The following DLGAP1 variants were observed in gnomAD, a reference collection of about 807,000 sequenced individuals.
The protein encoded by DLGAP1 is DLG associated protein 1.
A neutral mutation model predicts 90.8 loss-of-function variants in DLGAP1; 11 were observed. The ratio of observed to expected loss-of-function variants is 0.12; its 90% confidence interval spans 0.08 to 0.20. The LOEUF is 0.20. Ranked by LOEUF, DLGAP1 falls within the 10% of genes least tolerant of loss-of-function variation. DLGAP1 has a pLI of 1.00. For synonymous variants in DLGAP1, 558 were observed against 540.7 expected (o/e 1.03, Z -0.44); for missense variants, 1,050 against 1,333.8 (o/e 0.79, Z 3.31).
intron 3 of DLGAP1, among the ~76,000 whole-genome samples, chr18:3,965,611 A>G (rs928202667): frequency 2.0e-5 from 3 of 152,100 alleles, no homozygotes; most frequent in African/African-American, 7.2e-5. Flanking sequence ...CTCAACAAAC[A>G]TGCTTGTGTG....
intron 1 of DLGAP1, among the ~76,000 whole-genome samples, chr18:4,357,929 C>A (rs2081556721): frequency 6.6e-6 from 1 of 152,316 alleles, no homozygotes; most frequent in African/African-American, 2.4e-5. Context: ...GAAATTTGAG[C>A]CCCAGTGTAA....
chr18:3,734,559 T>C (rs1277410903), intron 6 of DLGAP1, among the ~76,000 whole-genome samples: 3 of 152,210 alleles, frequency 2.0e-5, no homozygotes, highest in Non-Finnish European at 4.4e-5. Context: ...ACAGAGTTCA[T>C]TTCTCAACAT....
At chr18:4,188,622 A>C (rs1420707080) in intron 1 of DLGAP1, among the ~76,000 whole-genome samples, 1 of 152,126 alleles carries the variant, frequency 6.6e-6, no homozygotes. Flanking sequence ...AGCTTCATCC[A>C]TGTCCCCGCA....
At chr18:3,906,930 G>A (rs538785504) in intron 3 of DLGAP1, among the ~76,000 whole-genome samples, 4 of 152,086 alleles carry the variant, frequency 2.6e-5, no homozygotes, top group Non-Finnish European at 4.4e-5. Context: ...ATGAATATAC[G>A]TTTGTATTTT....
At chr18:3,589,375 C>T (rs1451330763) in intron 7 of DLGAP1, among the ~76,000 whole-genome samples, 1 of 152,154 alleles carries the variant, frequency 6.6e-6, no homozygotes, top group African/African-American at 2.4e-5. Context: ...TGAGATCAAA[C>T]TCCCTTTTTG....
In DLGAP1 at chr18:4,054,831, T is replaced by C. The variant is rs545643686; in HGVS notation, c.-158-49630A>G. Among the ~76,000 whole-genome samples, 9 of 152,320 alleles carry C rather than the reference T, an allele frequency of 5.9e-5. No individual in the cohort carries two copies. In the East Asian group the frequency reaches 1.5e-3, roughly 26 times the overall value. ...TCACTGAAAATAACATTTTCTTCAGTGTATACTTGAGCACTGGCTTTAGAA... is the reference window on the plus strand; with the variant it reads ...TCACTGAAAATAACATTTTCTTCAGCGTATACTTGAGCACTGGCTTTAGAA... On this transcript the variant is annotated intron_variant, in intron 2 of 12. Transcript: ENST00000315677.
intron 1 of DLGAP1, among the ~76,000 whole-genome samples, chr18:4,269,914 T>A (rs2079237092): frequency 6.6e-6 from 1 of 152,180 alleles, no homozygotes; most frequent in African/African-American, 2.4e-5. Flanking sequence ...GTTTGTAAAG[T>A]CTTCTTTCTA....
chr18:3,592,667 C>T (rs1432344560), intron 7 of DLGAP1, among the ~76,000 whole-genome samples: 20 of 150,752 alleles, frequency 1.3e-4, no homozygotes, highest in South Asian at 6.3e-4. Context: ...AGTGAGACCT[C>T]GTCTCAAAAA....
chr18:4,153,279 G>C (rs916890956), intron 1 of DLGAP1, among the ~76,000 whole-genome samples: 7 of 152,160 alleles, frequency 4.6e-5, no homozygotes, highest in African/African-American at 1.7e-4. Context: ...GAATATTCAT[G>C]GGTAAGGCAG....
intron 1 of DLGAP1, among the ~76,000 whole-genome samples, chr18:4,434,637 G>A (rs1215910996): frequency 6.6e-6 from 1 of 152,142 alleles, no homozygotes; most frequent in African/African-American, 2.4e-5. Context: ...CCTGCAAGAG[G>A]CTGGTTCTTC....
chr18:3,684,109 C>T (rs867298613), intron 7 of DLGAP1, among the ~76,000 whole-genome samples: 36 of 151,884 alleles, frequency 2.4e-4, no homozygotes, highest in Admixed American at 1.9e-3. Flanking sequence ...AAAAAATGCA[C>T]TCTAGGAGAG....
At chr18:4,175,239 T>C (rs890964615) in intron 1 of DLGAP1, among the ~76,000 whole-genome samples, 1 of 152,226 alleles carries the variant, frequency 6.6e-6, no homozygotes, top group Non-Finnish European at 1.5e-5. Flanking sequence ...TGTCTGTTCA[T>C]ATCCTTTGCC....
intron 1 of DLGAP1, among the ~76,000 whole-genome samples, chr18:4,396,822 G>C (rs1435510310): frequency 6.6e-6 from 1 of 152,200 alleles, no homozygotes; most frequent in Non-Finnish European, 1.5e-5. Flanking sequence ...ACTGAATGAA[G>C]AGCCCTTGGC....
intron 7 of DLGAP1, chr18:3,607,150 G>A (rs1157357481): frequency 6.6e-6 from 1 of 152,164 alleles, no homozygotes; most frequent in African/African-American, 2.4e-5. Context: ...TGGAATTTTT[G>A]TATTACCATG....
intron 9 of DLGAP1, 62 bp from the exon 10 acceptor site, chr18:3,534,677 C>T (rs2052229638): frequency 7.3e-7 from 1 of 1,361,024 alleles, no homozygotes; most frequent in Admixed American, 2.7e-5. Context: ...TTCCTTCCTT[C>T]CTTCCTTCCT....
rs61037023 is a variant in DLGAP1, at chr18:4,203,265, T to TAA, written c.-266-51980_-266-51979dup. Among the ~76,000 whole-genome samples, 53 of 128,140 alleles carry TAA rather than the reference T, an allele frequency of 4.1e-4. 1 individual carries two copies. The highest frequency in any genetic ancestry group is 1.5e-3 in the African/African-American group (52 of 35,578). The allele number at this position is 128,140 out of a possible 152,430, so 84.1% of individuals were successfully genotyped here. Reference sequence around the variant, plus strand: ...ACTCCAGCCTGGGCAACAGAGAGATTAAAAAAAAAAAAAAAAAGATACTCT... The same window carrying TAA: ...ACTCCAGCCTGGGCAACAGAGAGATTAAAAAAAAAAAAAAAAAAAGATACTCT... On this transcript the variant is annotated intron_variant, in intron 1 of 12. Transcript: ENST00000315677.
intron 5 of DLGAP1, among the ~76,000 whole-genome samples, chr18:3,795,504 C>T (rs902122020): frequency 5.9e-5 from 9 of 151,934 alleles, no homozygotes; most frequent in Admixed American, 2.0e-4. Context: ...TTAGTAGAGA[C>T]GGGGTTTCAC....
chr18:4,199,868 C>A (rs1294129127), intron 1 of DLGAP1, among the ~76,000 whole-genome samples: 3 of 152,136 alleles, frequency 2.0e-5, no homozygotes, highest in African/African-American at 4.8e-5. Flanking sequence ...GAAAATTGAG[C>A]AGCATAGTGA....
chr18:4,173,554 T>A (rs1028815672), intron 1 of DLGAP1, among the ~76,000 whole-genome samples: 21 of 152,114 alleles, frequency 1.4e-4, no homozygotes, highest in African/African-American at 4.6e-4. Flanking sequence ...TCTCATGGTT[T>A]CTATTTGAAA....
Sources: allele counts gnomAD v4.1 joint callset (sites outside exome capture counted in the v4.1 genomes callset), GRCh38; gene constraint gnomAD v4.1.1; transcripts MANE v1.5; gene names NCBI Gene and HGNC (gene_info 2026-07-23, HGNC 2026-07-21).